KIF26B: variants seen among roughly 807,000 people sequenced by gnomAD.
The protein encoded by KIF26B is kinesin family member 26B, also known as kinesin-like protein KIF26B.
Under a neutral mutation model 151.2 loss-of-function variants are expected in KIF26B, and 63 were observed. The ratio of observed to expected loss-of-function variants is 0.42; its 90% CI spans 0.34 to 0.51. KIF26B has a LOEUF of 0.51. Among genes scored for constraint, KIF26B ranks in the 20% least tolerant of loss-of-function variants. The pLI is 0.07. For missense variants in KIF26B, 2,813 were observed against 2,913.6 expected, an observed-to-expected ratio of 0.97 and a Z score of 0.79; for synonymous variants, 1,357 against 1,262.1, an observed-to-expected ratio of 1.08 and a Z score of -1.59.
At chr1:245,500,468 C>A (rs541020231) in intron 4 of KIF26B, among the ~76,000 whole-genome samples, 1 of 152,320 alleles carries the variant, frequency 6.6e-6, no homozygotes, top group Admixed American at 6.5e-5. Context: ...ATCCATAACT[C>A]TATATAACCC....
intron 2 of KIF26B, among the ~76,000 whole-genome samples, chr1:245,364,828 A>G (rs1672905863): frequency 6.6e-6 from 1 of 152,190 alleles, no homozygotes; most frequent in Admixed American, 6.5e-5. Flanking sequence ...TTGAAGCCAA[A>G]CAGTTTGGTG....
At chr1:245,459,680 G>A (rs562745474) in intron 4 of KIF26B, among the ~76,000 whole-genome samples, 10 of 152,194 alleles carry the variant, frequency 6.6e-5, no homozygotes, top group Non-Finnish European at 1.3e-4. Context: ...AGGAGTGAAC[G>A]GGCACTTTGG....
chr1:245,369,195 G>GAGAGAGAGACAGACAGAC (rs375330671), intron 3 of KIF26B, among the ~76,000 whole-genome samples: 18 of 129,502 alleles, frequency 1.4e-4, no homozygotes, highest in Non-Finnish European at 2.2e-4. Flanking sequence ...GAGAGAGAGA[G>GAGAGAGAGACAGACAGAC]AGACAGACAG....
At position 245,317,637 on chromosome 1, in the gene KIF26B, T is replaced by C. The variant is rs187992767; in HGVS notation, c.466-49197T>C. Among the ~76,000 whole-genome samples the C allele has an allele frequency of 8.2e-4, 125 of 152,344 alleles. 1 individual carries two copies. Among genetic ancestry groups the C allele is most frequent in the South Asian group, 4.1e-3 (20 of 4,828 alleles). ...GCTTGGCCGCCAAAGAGAATTGGTT[T>C]CTGTAAGTGTCGGAGAGGGAAGACC... On this transcript the variant is annotated intron_variant, in intron 2 of 14. Transcript: ENST00000407071.
chr1:245,323,823 G>A (rs756107495), intron 2 of KIF26B, among the ~76,000 whole-genome samples: 96 of 152,340 alleles, frequency 6.3e-4, no homozygotes, highest in Non-Finnish European at 1.1e-3. Flanking sequence ...GGAATAAACA[G>A]GGGAAGCATA....
At chr1:245,169,786 TC>T (rs1349376180) in intron 2 of KIF26B, among the ~76,000 whole-genome samples, 1 of 152,062 alleles carries the variant, frequency 6.6e-6, no homozygotes. Context: ...TTATTAGGGA[TC>T]CTCCATAATG....
intron 4 of KIF26B, among the ~76,000 whole-genome samples, chr1:245,530,308 C>T (rs1169771896): frequency 6.6e-6 from 1 of 152,150 alleles, no homozygotes; most frequent in Non-Finnish European, 1.5e-5. Context: ...AACTACCACG[C>T]AATCTAGCAA....
intron 8 of KIF26B, among the ~76,000 whole-genome samples, chr1:245,609,805 A>AC (rs941601117): frequency 1.3e-5 from 2 of 151,960 alleles, no homozygotes; most frequent in Admixed American, 1.3e-4. Flanking sequence ...CTTTCAAAAA[A>AC]AAAAAGTAAC....
rs1207400218 is a variant in KIF26B, at chr1:245,156,656, G to C, written c.438G>C (p.Leu146Phe). ...AGCTCAAGAGGCAGGCCCTGAGGTT[G>C]CTCCTCCCGGGGCCCTTCCCGGGCA... ...LVELKRQALR[L>F]LLPGPFPGKD... Residue 146 changes from leucine (L) to phenylalanine (F), a missense_variant, in exon 2 of 15, where the codon TTG (leucine) becomes TTC (phenylalanine). Around this residue, in one of 3 missense-constraint regions of KIF26B, gnomAD observed 676 missense variants for 688.1 expected, o/e 0.98. Transcript: ENST00000407071. 1 of 1,513,700 alleles carries C rather than the reference G, an allele frequency of 6.6e-7. No homozygotes were observed. Among genetic ancestry groups the C allele is most frequent in the Admixed American group, 2.0e-5 (1 of 49,550 alleles). 93.8% of individuals were successfully genotyped at this position (1,513,700 alleles called of 1,614,324 possible).
At chr1:245,628,054 G>A (rs10754463) in intron 9 of KIF26B, among the ~76,000 whole-genome samples, 110,177 of 152,046 alleles carry the variant, frequency 0.72, 39,957 homozygotes, top group East Asian at 0.89. Context: ...CCAGAGGTAC[G>A]ACGAGGAGCT....
intron 4 of KIF26B, among the ~76,000 whole-genome samples, chr1:245,427,213 A>G (rs749458935): frequency 1.3e-5 from 2 of 152,210 alleles, no homozygotes; most frequent in African/African-American, 2.4e-5. Flanking sequence ...CTAGGCGTCA[A>G]TTGACTGTGG....
chr1:245,597,040 T>A lies in KIF26B; in HGVS notation c.1351-5537T>A, dbSNP rs2043342146. Among the ~76,000 whole-genome samples, 1 of 152,120 alleles carries A rather than the reference T, an allele frequency of 6.6e-6. No homozygotes were observed. The highest frequency in any genetic ancestry group is 2.4e-5 in the African/African-American group (1 of 41,428). On this transcript the variant is annotated intron_variant, in intron 5 of 14. Coordinates refer to ENST00000407071, the MANE Select transcript of KIF26B (RefSeq NM_018012.4). The surrounding 1 kb of genome is among the most constrained non-coding windows in gnomAD (Gnocchi z 4.6). ...TGAGGCTATGTGTGACTCAGATGGG[T>A]CTCCTGAATACAGCACCCTGATGGG...
At chr1:245,176,242 G>A (rs1402562272) in intron 2 of KIF26B, among the ~76,000 whole-genome samples, 3 of 151,774 alleles carry the variant, frequency 2.0e-5, no homozygotes, top group East Asian at 1.9e-4. Flanking sequence ...CAGGTGATCC[G>A]CCTGCCTCAG....
chr1:245,350,079 A>G (rs1408565770), intron 2 of KIF26B, among the ~76,000 whole-genome samples: 1 of 152,048 alleles, frequency 6.6e-6, no homozygotes, highest in African/African-American at 2.4e-5. Flanking sequence ...CTTGCACATC[A>G]CATTTCCCCT....
At chr1:245,460,863 A>G (rs890850630) in intron 4 of KIF26B, among the ~76,000 whole-genome samples, 2 of 152,246 alleles carry the variant, frequency 1.3e-5, no homozygotes, top group Admixed American at 6.5e-5. Flanking sequence ...TTTTCTGGAA[A>G]GCTTCTGCAC....
At chr1:245,649,973 G>A (rs574512321) in intron 10 of KIF26B, among the ~76,000 whole-genome samples, 2 of 152,330 alleles carry the variant, frequency 1.3e-5, no homozygotes, top group African/African-American at 4.8e-5. Flanking sequence ...TGAAGATGCA[G>A]GAGGCGTGGA....
intron 4 of KIF26B, among the ~76,000 whole-genome samples, chr1:245,446,958 T>G (rs1659262218): frequency 2.0e-5 from 3 of 152,194 alleles, no homozygotes; most frequent in East Asian, 1.9e-4. Flanking sequence ...TTTGGAGAGA[T>G]AGTTTCTGAT....
Position 245,360,843 on chromosome 1 carries a change from C to T in KIF26B, c.466-5991C>T, listed in dbSNP as rs148063618. Among the ~76,000 whole-genome samples, 326 of 152,132 alleles carry T rather than the reference C, an allele frequency of 2.1e-3. 2 individuals are homozygous for T. The highest frequency in any genetic ancestry group is 2.7e-3 in the Non-Finnish European group (187 of 68,002). ...CCTGGCCAACATAGTAAAACTCCATCGGTACTAAAAATACAAAAAAATTAG... is the reference window on the plus strand; with the variant it reads ...CCTGGCCAACATAGTAAAACTCCATTGGTACTAAAAATACAAAAAAATTAG... On this transcript the variant is annotated intron_variant, in intron 2 of 14. Coordinates refer to ENST00000407071, the MANE Select transcript of KIF26B (RefSeq NM_018012.4).
At chr1:245,238,649 T>C (rs566083568) in intron 2 of KIF26B, among the ~76,000 whole-genome samples, 2 of 152,188 alleles carry the variant, frequency 1.3e-5, no homozygotes, top group South Asian at 4.1e-4. Flanking sequence ...TCACTTGAGG[T>C]CAGGAGTTTG....
Sources: gnomAD v4.1 joint callset for allele counts (sites outside exome capture counted in the v4.1 genomes callset) on GRCh38, gnomAD v4.1.1 for gene constraint, gnomAD v4.1.1 regional missense constraint, Gnocchi (gnomAD v3.1) non-coding constraint, MANE v1.5 for transcripts, NCBI Gene and HGNC (gene_info 2026-07-23, HGNC 2026-07-21) for gene names.